ALKBH1: variants seen among roughly 807,000 people sequenced by gnomAD.
ALKBH1 encodes nucleic acid dioxygenase ALKBH1.
A neutral mutation model predicts 36.6 loss-of-function variants in ALKBH1; 31 were observed. The ratio of observed to expected loss-of-function variants is 0.85; its 90% CI spans 0.64 to 1.14. The LOEUF (loss-of-function observed/expected upper bound fraction) is 1.14, where lower values mean the gene tolerates loss of function less well. ALKBH1 is among the 50% of genes most tolerant of loss of function. ALKBH1 has a pLI of 0.00. For missense variants in ALKBH1, 490 were observed against 497.3 expected (o/e 0.99, Z 0.14); for synonymous variants, 183 against 186.6 (o/e 0.98, Z 0.16).
chr14:77,688,552 C>G (rs1032770107), intron 3 of ALKBH1, among the ~76,000 whole-genome samples: 1 of 111,236 alleles, frequency 9.0e-6, no homozygotes, highest in Non-Finnish European at 1.9e-5. Context: ...CTGCACCCAG[C>G]CTTTTTTTTT....
At chr14:77,703,819 ACCT>A (rs780163540) in intron 2 of ALKBH1, among the ~76,000 whole-genome samples, 2 of 150,976 alleles carry the variant, frequency 1.3e-5, no homozygotes, top group Admixed American at 6.6e-5. Context: ...GCTCGTCTTG[ACCT>A]CCTGACCTCA....
Position 77,704,488 on chromosome 14 carries a change from G to T in ALKBH1, c.184-11C>A. 6.2e-7 allele frequency: 1 copy of T among 1,606,568 alleles called. No homozygotes were observed. Among genetic ancestry groups the T allele is most frequent in the Non-Finnish European group, 8.5e-7 (1 of 1,173,266 alleles). On this transcript the variant is annotated splice_polypyrimidine_tract_variant and intron_variant, in intron 1 of 5. Transcript: ENST00000216489. ...CTGAGATTTGATCACCTGGCAGGAA[G>T]GAAACAGAAGTTAAAGGACTAAATC... is the stretch of plus-strand genomic sequence containing the variant.
intron 3 of ALKBH1, among the ~76,000 whole-genome samples, chr14:77,693,557 G>A (rs1307721787): frequency 1.3e-5 from 2 of 152,184 alleles, no homozygotes; most frequent in African/African-American, 4.8e-5. Flanking sequence ...GATTTATTCT[G>A]TCTTAAATAT....
rs752764412 is a variant in ALKBH1 at position 77,694,931 on chromosome 14, G to C, written c.293-31C>G. On this transcript the variant is annotated intron_variant, in intron 2 of 5. Coordinates refer to ENST00000216489, the MANE Select transcript of ALKBH1 (RefSeq NM_006020.3). ...CAAAAGATGGGTGGGAAAAAAAGAA[G>C]AGGGGGAAATTCTCCATCAGTTATT... is the stretch of plus-strand genomic sequence containing the variant. 3.2e-5 allele frequency: 46 copies of C among 1,454,648 alleles called. 1 individual carries two copies. In the South Asian group the frequency reaches 3.9e-4, roughly 12 times the overall value. The allele number at this position is 1,454,648 out of a possible 1,614,324, so 90.1% of individuals were successfully genotyped here. A position where few individuals can be genotyped will look rare whatever the true frequency, so the allele number is the denominator to read the frequency against.
rs2080183533 is a variant in ALKBH1, at chr14:77,672,845, G to C, written c.*967C>G. 6 of 152,182 alleles carry C rather than the reference G, an allele frequency of 3.9e-5. No homozygotes were observed. Among genetic ancestry groups the C allele is most frequent in the Admixed American group, 3.9e-4 (6 of 15,270 alleles). The allele number at this position is 152,182 out of a possible 1,614,324, so 9.4% of individuals were successfully genotyped here. On this transcript the variant is annotated 3_prime_UTR_variant, in exon 6 of 6. Transcript: ENST00000216489. ...CATTTTTCCAAGCTGCCTACCCTCA[G>C]ACAATAACAGCAGTGACTGGAATAT...
chr14:77,707,976 G>C lies in ALKBH1; in HGVS notation c.29C>G (p.Ser10Cys), dbSNP rs749944795. 1.2e-6 allele frequency: 2 copies of C among 1,612,888 alleles called. No individual in the cohort carries two copies. The highest frequency in any genetic ancestry group is 4.5e-5 in the East Asian group (2 of 44,870). Residue 10 changes from serine (S) to cysteine (C), a missense_variant, in exon 1 of 6, where the codon TCT (serine) becomes TGT (cysteine). By Grantham distance (112) the Ser-to-Cys change is moderately radical. Coordinates refer to ENST00000216489, the MANE Select transcript of ALKBH1 (RefSeq NM_006020.3). MGKMAAAVG[S>C]VATLATEPGE... ...GGGCTCAGTCGCCAGAGTCGCCACA[G>C]AGCCCACGGCCGCTGCCATCTTCCC...
intron 3 of ALKBH1, among the ~76,000 whole-genome samples, chr14:77,680,766 G>A (rs578115053): frequency 1.4e-5 from 2 of 144,514 alleles, no homozygotes; most frequent in East Asian, 4.0e-4. Context: ...CACAGCCTCC[G>A]CCTCCCAGGT....
At chr14:77,675,170 T>C (rs1032465949) in intron 5 of ALKBH1, among the ~76,000 whole-genome samples, 1 of 152,080 alleles carries the variant, frequency 6.6e-6, no homozygotes, top group Non-Finnish European at 1.5e-5. Flanking sequence ...CAGTGGCTCA[T>C]GCCTGTAATC....
intron 5 of ALKBH1, 105 bp from the exon 6 acceptor site, chr14:77,674,346 G>A (rs1460766367): frequency 5.5e-6 from 7 of 1,272,896 alleles, no homozygotes; most frequent in African/African-American, 1.5e-5. Context: ...GTAATTTCAG[G>A]TTGATATTTA....
At chr14:77,685,450 A>C (rs77722958) in intron 3 of ALKBH1, among the ~76,000 whole-genome samples, 20,219 of 150,436 alleles carry the variant, frequency 0.13, 1,803 homozygotes, top group African/African-American at 0.25. Context: ...AAAAAACACA[A>C]AAAAAAACAA....
chr14:77,673,672 G>A lies in ALKBH1; in HGVS notation c.*140C>T. ...GAGTTTACTTCTGCGTGGGTTCCAAGGCAACAGTGTGATCAACAATGAGTT... is the reference window on the plus strand; with the variant it reads ...GAGTTTACTTCTGCGTGGGTTCCAAAGCAACAGTGTGATCAACAATGAGTT... On this transcript the variant is annotated 3_prime_UTR_variant, in exon 6 of 6. Coordinates refer to ENST00000216489, the MANE Select transcript of ALKBH1 (RefSeq NM_006020.3). 2 of 887,752 alleles carry A rather than the reference G, an allele frequency of 2.3e-6. No homozygotes were observed. The allele number at this position is 887,752 out of a possible 1,614,324, so 55.0% of individuals were successfully genotyped here. A position where few individuals can be genotyped will look rare whatever the true frequency, so the allele number is the denominator to read the frequency against.
intron 3 of ALKBH1, among the ~76,000 whole-genome samples, chr14:77,685,786 T>C (rs563410475): frequency 4.0e-4 from 61 of 152,044 alleles, no homozygotes; most frequent in African/African-American, 1.4e-3. Flanking sequence ...AAAAAAGGCT[T>C]TGAGTTTTTG....
rs752799933 is a variant in ALKBH1 at position 77,704,376 on chromosome 14, G to T, written c.285C>A (p.Gly95=). ...VSKWQAYGLK[G]YPGFIFIPNP... is the part of the protein sequence containing the mutation. ...GAGGTCAGTTACACTCACCAGGATAGCCTTTGAGTCCATAGGCTTGCCACT... is the reference window on the plus strand; with the variant it reads ...GAGGTCAGTTACACTCACCAGGATATCCTTTGAGTCCATAGGCTTGCCACT... The change falls in exon 2 of 6, where the codon GGC becomes GGA. Residue 95 remains glycine (G), a synonymous_variant. Transcript: ENST00000216489. 6.2e-7 allele frequency: 1 copy of T among 1,612,532 alleles called. No individual in the cohort carries two copies. Among genetic ancestry groups the T allele is most frequent in the Admixed American group, 1.7e-5 (1 of 60,022 alleles).
intron 3 of ALKBH1, among the ~76,000 whole-genome samples, chr14:77,694,081 G>T (rs565066032): frequency 7.9e-5 from 12 of 152,300 alleles, no homozygotes; most frequent in African/African-American, 2.9e-4. Flanking sequence ...TGCTCCCACA[G>T]TATTTTTCTA....
intron 1 of ALKBH1, among the ~76,000 whole-genome samples, chr14:77,705,613 G>C (rs1368082539): frequency 6.6e-6 from 1 of 152,122 alleles, no homozygotes; most frequent in African/African-American, 2.4e-5. Flanking sequence ...GTATTTCAGG[G>C]GCTGAAGTTT....
intron 2 of ALKBH1, among the ~76,000 whole-genome samples, 189 bp downstream of exon 2, chr14:77,704,180 T>C (rs966958529): frequency 6.6e-6 from 1 of 152,226 alleles, no homozygotes; most frequent in Admixed American, 6.5e-5. Flanking sequence ...TGCTGACTCC[T>C]GTTCTATCCT....
chr14:77,695,479 G>A (rs2080321854), intron 2 of ALKBH1, among the ~76,000 whole-genome samples: 1 of 152,096 alleles, frequency 6.6e-6, no homozygotes, highest in Admixed American at 6.5e-5. Context: ...AAGACTGGAG[G>A]GCGGAAGTTG....
chr14:77,674,051 C>G lies in ALKBH1; in HGVS notation c.931G>C (p.Ala311Pro). The G allele has an allele frequency of 6.2e-7, 1 of 1,614,192 alleles. No individual in the cohort carries two copies. Among genetic ancestry groups the G allele is most frequent in the Non-Finnish European group, 8.5e-7 (1 of 1,180,048 alleles). The change falls in exon 6 of 6, where the codon GCT becomes CCT. Residue 311 changes from alanine (A) to proline (P), a missense_variant. Coordinates refer to ENST00000216489, the MANE Select transcript of ALKBH1 (RefSeq NM_006020.3). ...ACCATTGAATCTCTCGGGAGGACAG[C>G]AGGGAGAGGTGCCTCTAGGCAGTGA... The part of the protein sequence containing the change: ...LPHCLEAPLP[A>P]VLPRDSMVEP...
chr14:77,688,397 A>C (rs1354303913), intron 3 of ALKBH1, among the ~76,000 whole-genome samples: 1 of 151,844 alleles, frequency 6.6e-6, no homozygotes, highest in African/African-American at 2.4e-5. Flanking sequence ...CTAGGACTAG[A>C]GGTGCGTGCT....
Sources: gnomAD v4.1 joint callset for allele counts (sites outside exome capture counted in the v4.1 genomes callset) on GRCh38, gnomAD v4.1.1 for gene constraint, MANE v1.5 for transcripts, NCBI Gene and HGNC (gene_info 2026-07-23, HGNC 2026-07-21) for gene names.